MPP7: variants seen among roughly 807,000 people sequenced by gnomAD.
The protein encoded by MPP7 is MAGUK p55 scaffold protein 7, also known as MAGUK p55 subfamily member 7.
A neutral mutation model predicts 76.5 loss-of-function variants in MPP7; 60 were observed. The ratio of observed to expected loss-of-function variants is 0.78; its 90% confidence interval spans 0.64 to 0.97. The LOEUF (loss-of-function observed/expected upper bound fraction) is 0.97. MPP7 is among the 50% of genes least tolerant of loss of function. MPP7 has a pLI of 0.00. For missense variants in MPP7, 641 were observed against 694.0 expected (o/e 0.92, Z 0.86); for synonymous variants, 237 against 244.5 (o/e 0.97, Z 0.29).
intron 1 of MPP7, among the ~76,000 whole-genome samples, chr10:28,260,417 A>T (rs1370194229): frequency 6.6e-6 from 1 of 152,156 alleles, no homozygotes; most frequent in East Asian, 1.9e-4. Flanking sequence ...TCACTTGTCA[A>T]GATAAAGAAA....
At chr10:28,204,442 CAAA>C (rs35353394) in intron 2 of MPP7, among the ~76,000 whole-genome samples, 3 of 95,018 alleles carry the variant, frequency 3.2e-5, no homozygotes, top group African/African-American at 3.8e-5. Flanking sequence ...AACTCCGTCT[CAAA>C]AAAAAAAAAA....
chr10:28,111,552 T>A (rs1834507196), intron 11 of MPP7, among the ~76,000 whole-genome samples: 1 of 152,138 alleles, frequency 6.6e-6, no homozygotes, highest in African/African-American at 2.4e-5. Flanking sequence ...TAAAAGAAAT[T>A]TCTCGATAAA....
intron 4 of MPP7, among the ~76,000 whole-genome samples, chr10:28,148,272 C>T (rs1835772587): frequency 6.6e-6 from 1 of 152,092 alleles, no homozygotes; most frequent in South Asian, 2.1e-4. Flanking sequence ...TTCAAACCTG[C>T]CCCATATCTT....
chr10:28,257,648 T>G (rs1446837024), intron 1 of MPP7, among the ~76,000 whole-genome samples: 1 of 146,686 alleles, frequency 6.8e-6, no homozygotes, highest in Non-Finnish European at 1.5e-5. Context: ...TAATGCTAGA[T>G]GACGAGTTAG....
chr10:28,120,744 A>T (rs1303569157), intron 8 of MPP7, 76 bp from the exon 9 acceptor site: 1 of 1,128,128 alleles, frequency 8.9e-7, no homozygotes, highest in Non-Finnish European at 1.3e-6. Flanking sequence ...TAGAAAGTGA[A>T]ATGCATCTGA....
chr10:28,235,011 C>T (rs569587605), intron 2 of MPP7, among the ~76,000 whole-genome samples: 7 of 152,234 alleles, frequency 4.6e-5, no homozygotes, highest in Admixed American at 3.3e-4. Flanking sequence ...GGTTTCACCA[C>T]GTTGCCCAGA....
intron 1 of MPP7, among the ~76,000 whole-genome samples, chr10:28,273,197 C>T (rs778905625): frequency 6.6e-6 from 1 of 152,164 alleles, no homozygotes; most frequent in South Asian, 2.1e-4. Flanking sequence ...GGATTACAGG[C>T]GTGAGCCACC....
At chr10:28,099,205 C>G (rs962644531) in intron 11 of MPP7, among the ~76,000 whole-genome samples, 2 of 152,112 alleles carry the variant, frequency 1.3e-5, no homozygotes. Flanking sequence ...CCCATACTAA[C>G]AGCCTCCAAA....
intron 2 of MPP7, among the ~76,000 whole-genome samples, chr10:28,311,567 A>AAT (rs75895830): frequency 0.094 from 14,301 of 152,176 alleles, 1,156 homozygotes; most frequent in East Asian, 0.42. Context: ...TGTGTCCGGT[A>AAT]ATATATATGT....
chr10:28,284,818 C>T (rs1840757118), intron 1 of MPP7, among the ~76,000 whole-genome samples: 1 of 152,086 alleles, frequency 6.6e-6, no homozygotes. Context: ...TCTCAGAATA[C>T]AATATAAGAT....
chr10:28,287,308 G>C (rs930295548), intron 1 of MPP7, among the ~76,000 whole-genome samples: 11 of 152,132 alleles, frequency 7.2e-5, no homozygotes, highest in Admixed American at 2.0e-4. Context: ...AAAATTTGTA[G>C]AGGGTAGATC....
intron 1 of MPP7, among the ~76,000 whole-genome samples, chr10:28,292,594 C>T (rs1840946503): frequency 6.6e-6 from 1 of 152,160 alleles, no homozygotes; most frequent in Non-Finnish European, 1.5e-5. Context: ...GATTATAATT[C>T]AGTTCATCTG....
At chr10:28,150,186 T>C (rs1251404955) in intron 3 of MPP7, 127 bp from the exon 4 acceptor site, 5 of 657,612 alleles carry the variant, frequency 7.6e-6, no homozygotes, top group Non-Finnish European at 1.3e-5. Context: ...TATGACATAT[T>C]ACACACATGT....
At chr10:28,311,782 AC>A (rs1446133656) in intron 2 of MPP7, among the ~76,000 whole-genome samples, 157 of 152,110 alleles carry the variant, frequency 1.0e-3, no homozygotes, top group African/African-American at 3.4e-3. Context: ...ACACACACAC[AC>A]ACAAACACTG....
In MPP7 at chr10:28,054,139, T is replaced by C; in HGVS notation, c.1657A>G (p.Asn553Asp). The change falls in exon 17 of 17, where the codon AAT (asparagine) becomes GAT (aspartate). Residue 553 changes from asparagine (N) to aspartate (D), a missense_variant. Physicochemically the swap from Asn to Asp is conservative, Grantham distance 23. Transcript: ENST00000683449. Reference sequence around the variant, plus strand: ...TTGTCAAAAGTTGTTTTGAGCTCATTGAATGCCACAGTGAGGTCATCATTT... The same window carrying C: ...TTGTCAAAAGTTGTTTTGAGCTCATCGAATGCCACAGTGAGGTCATCATTT... ...IINDDLTVAF[N>D]ELKTTFDKLE... 1 of 1,613,138 alleles carries C rather than the reference T, an allele frequency of 6.2e-7. No homozygotes were observed. The highest frequency in any genetic ancestry group is 1.1e-5 in the South Asian group (1 of 91,016).
rs1323360839 is a variant in MPP7 at position 28,308,376 on chromosome 10, T to C, written c.-132+21553A>G. Among the ~76,000 whole-genome samples, 4 of 152,320 alleles carry C rather than the reference T, an allele frequency of 2.6e-5. No homozygotes were observed. In the East Asian group the frequency reaches 7.7e-4, roughly 29 times the overall value. ...ACCAGGGGACACAAATCAAGTTGCC[T>C]TCATGGTCTGCCTCACTGACACTGC... On this transcript the variant is annotated intron_variant, in intron 2 of 11. Transcript: ENST00000441595.
At chr10:28,316,775 T>C (rs1834324332) in intron 2 of MPP7, among the ~76,000 whole-genome samples, 1 of 152,206 alleles carries the variant, frequency 6.6e-6, no homozygotes, top group South Asian at 2.1e-4. Flanking sequence ...AAGACTTGAG[T>C]AGGAAAAGTT....
At chr10:28,190,137 T>C (rs983553565) in intron 3 of MPP7, among the ~76,000 whole-genome samples, 1 of 152,100 alleles carries the variant, frequency 6.6e-6, no homozygotes, top group Non-Finnish European at 1.5e-5. Flanking sequence ...CAATCCTAAA[T>C]GTGTATGCAC....
chr10:28,297,604 CAGG>C (rs962256050), intron 1 of MPP7, among the ~76,000 whole-genome samples: 4 of 152,328 alleles, frequency 2.6e-5, no homozygotes, highest in African/African-American at 9.6e-5. Flanking sequence ...GAGGCTGAGA[CAGG>C]AGAATCTCTT....
Sources: allele counts gnomAD v4.1 joint callset (sites outside exome capture counted in the v4.1 genomes callset), GRCh38; gene constraint gnomAD v4.1.1; transcripts MANE v1.5; gene names NCBI Gene and HGNC (gene_info 2026-07-23, HGNC 2026-07-21).